LRMDA: variants seen among roughly 807,000 people sequenced by gnomAD.
The protein encoded by LRMDA is leucine rich melanocyte differentiation associated, also known as leucine-rich melanocyte differentiation-associated protein.
A neutral mutation model predicts 29.8 loss-of-function variants in LRMDA; 18 were observed. The observed-to-expected ratio is 0.60, with a 90% CI of 0.42 to 0.90. The LOEUF (loss-of-function observed/expected upper bound fraction) is 0.90, where lower values mean the gene tolerates loss of function less well. Ranked by LOEUF, LRMDA falls within the 40% of genes least tolerant of loss-of-function variation. The pLI, the probability that LRMDA is intolerant of heterozygous loss-of-function variation, is 0.00. For synonymous variants in LRMDA, 125 were observed against 109.4 expected (o/e 1.14, Z -0.89); for missense variants, 273 against 273.9 (o/e 1.00, Z 0.02).
intron 5 of LRMDA, among the ~76,000 whole-genome samples, chr10:76,063,677 CTCTT>C (rs1848739092): frequency 6.6e-6 from 1 of 152,124 alleles, no homozygotes; most frequent in African/African-American, 2.4e-5. Flanking sequence ...CCAAAAGTCT[CTCTT>C]ATTCTTTTCC....
intron 6 of LRMDA, among the ~76,000 whole-genome samples, chr10:76,357,861 T>C (rs1841261570): frequency 6.6e-6 from 1 of 152,170 alleles, no homozygotes; most frequent in African/African-American, 2.4e-5. Context: ...CCTGTAATTA[T>C]TATGCAGTTC....
intron 2 of LRMDA, among the ~76,000 whole-genome samples, chr10:75,832,299 C>A (rs1032791778): frequency 2.0e-5 from 3 of 152,142 alleles, no homozygotes; most frequent in Non-Finnish European, 4.4e-5. Context: ...CAAATTTCCA[C>A]AAATCTCTAG....
At chr10:75,893,661 C>T (rs1392196011) in intron 2 of LRMDA, among the ~76,000 whole-genome samples, 1 of 152,162 alleles carries the variant, frequency 6.6e-6, no homozygotes, top group Admixed American at 6.5e-5. Context: ...CTGGGCTGGG[C>T]ATAGTGGCTC....
At chr10:75,692,232 A>G (rs1442884693) in intron 2 of LRMDA, among the ~76,000 whole-genome samples, 2 of 138,420 alleles carry the variant, frequency 1.4e-5, no homozygotes, top group Non-Finnish European at 3.0e-5. Context: ...ATATATATAT[A>G]TATATATATA....
At chr10:76,350,068 A>G (rs779409596) in intron 6 of LRMDA, among the ~76,000 whole-genome samples, 8 of 152,118 alleles carry the variant, frequency 5.3e-5, no homozygotes, top group Non-Finnish European at 1.2e-4. Flanking sequence ...GAAAGTGCCA[A>G]ACAAAACACT....
At chr10:75,531,408 G>A (rs1336679687) in intron 2 of LRMDA, among the ~76,000 whole-genome samples, 1 of 152,188 alleles carries the variant, frequency 6.6e-6, no homozygotes, top group Non-Finnish European at 1.5e-5. Context: ...CAGACTCGTG[G>A]TGAGTGTGGC....
At chr10:76,488,635 A>G (rs1319996765) in intron 6 of LRMDA, among the ~76,000 whole-genome samples, 1 of 151,896 alleles carries the variant, frequency 6.6e-6, no homozygotes, top group African/African-American at 2.4e-5. Flanking sequence ...TAGTGTATGC[A>G]TGCTTTCACA....
At chr10:75,572,499 A>G (rs1358062422) in intron 2 of LRMDA, among the ~76,000 whole-genome samples, 1 of 152,120 alleles carries the variant, frequency 6.6e-6, no homozygotes, top group Non-Finnish European at 1.5e-5. Flanking sequence ...CTATTTTACC[A>G]ATTCAGTTGA....
intron 5 of LRMDA, among the ~76,000 whole-genome samples, chr10:76,073,265 A>G (rs1472985510): frequency 6.6e-6 from 1 of 152,168 alleles, no homozygotes; most frequent in Non-Finnish European, 1.5e-5. Context: ...TCTATTCCCT[A>G]TATGTGACTC....
chr10:76,023,224 C>T (rs1848007436), intron 2 of LRMDA, among the ~76,000 whole-genome samples: 1 of 152,174 alleles, frequency 6.6e-6, no homozygotes, highest in African/African-American at 2.4e-5. Context: ...ATACAAAGCC[C>T]ATCACTTCAC....
chr10:76,107,168 G>A (rs1051543954), intron 5 of LRMDA, among the ~76,000 whole-genome samples: 1 of 152,194 alleles, frequency 6.6e-6, no homozygotes, highest in Non-Finnish European at 1.5e-5. Flanking sequence ...ACTTCTTCCA[G>A]GTGTTGCTCA....
chr10:76,474,285 CAT>C (rs1842645726), intron 6 of LRMDA, among the ~76,000 whole-genome samples: 1 of 151,538 alleles, frequency 6.6e-6, no homozygotes, highest in Non-Finnish European at 1.5e-5. Context: ...TAGAAGAAAA[CAT>C]AGACATAAAT....
chr10:76,469,747 G>C (rs1842599300), intron 6 of LRMDA, among the ~76,000 whole-genome samples: 1 of 152,078 alleles, frequency 6.6e-6, no homozygotes, highest in Non-Finnish European at 1.5e-5. Flanking sequence ...AAGTTTACTA[G>C]AGAGAACCAT....
rs894983774 is a variant in LRMDA, at chr10:75,894,873, G to A, written c.132-141135G>A. 2.6e-5 allele frequency among the ~76,000 whole-genome samples: 4 copies of A among 152,186 alleles called. No individual in the cohort carries two copies. The East Asian group carries it at 7.7e-4, about 29-fold the overall frequency. Reference sequence around the variant, plus strand: ...AAACAACTGAGTGTGCTAAGTACTAGTCTAAGTGTTTTGTACTTACATAAT... The same window carrying A: ...AAACAACTGAGTGTGCTAAGTACTAATCTAAGTGTTTTGTACTTACATAAT... On this transcript the variant is annotated intron_variant, in intron 2 of 6. Transcript: ENST00000611255.
At chr10:76,385,429 G>A (rs372002356) in intron 6 of LRMDA, among the ~76,000 whole-genome samples, 41 of 152,244 alleles carry the variant, frequency 2.7e-4, no homozygotes, top group African/African-American at 9.6e-4. Context: ...GACCCCAAAA[G>A]GTATGATACT....
chr10:75,799,567 T>A (rs1204891282), intron 2 of LRMDA, among the ~76,000 whole-genome samples: 2 of 151,730 alleles, frequency 1.3e-5, no homozygotes, highest in Non-Finnish European at 2.9e-5. Context: ...CAGGCTGGAG[T>A]GCAGTGGTGC....
intron 2 of LRMDA, among the ~76,000 whole-genome samples, chr10:75,582,831 A>T (rs1258411579): frequency 6.6e-6 from 1 of 152,168 alleles, no homozygotes; most frequent in East Asian, 1.9e-4. Flanking sequence ...CGTGCATATA[A>T]GCATAGGTTG....
chr10:75,592,517 C>T (rs1840735794), intron 2 of LRMDA, among the ~76,000 whole-genome samples: 2 of 152,138 alleles, frequency 1.3e-5, no homozygotes, highest in African/African-American at 4.8e-5. Flanking sequence ...ATCGGGACGG[C>T]GGAGGCGGGG....
chr10:76,340,772 C>T (rs1841032040), intron 6 of LRMDA, among the ~76,000 whole-genome samples: 1 of 152,026 alleles, frequency 6.6e-6, no homozygotes, highest in African/African-American at 2.4e-5. Context: ...AGATATACAA[C>T]AACAACACAG....
Sources: gnomAD v4.1 joint callset for allele counts (sites outside exome capture counted in the v4.1 genomes callset) on GRCh38, gnomAD v4.1.1 for gene constraint, MANE v1.5 for transcripts, NCBI Gene and HGNC (gene_info 2026-07-23, HGNC 2026-07-21) for gene names.